Variants in RABEP1 observed in about 807,000 individuals in gnomAD.
RABEP1 encodes rabaptin, RAB GTPase binding effector protein 1, also known as rab GTPase-binding effector protein 1.
RABEP1 carries 51 observed loss-of-function variants against 123.4 expected under a neutral mutation model. The observed-to-expected ratio is 0.41, with a 90% confidence interval of 0.33 to 0.52. The LOEUF (loss-of-function observed/expected upper bound fraction) is 0.52, where lower values mean the gene tolerates loss of function less well. Among genes scored for constraint, RABEP1 ranks in the 20% least tolerant of loss-of-function variants. The pLI, the probability that RABEP1 is intolerant of heterozygous loss-of-function variation, is 0.16. For missense variants in RABEP1, 888 were observed against 996.3 expected, an observed-to-expected ratio of 0.89 and a Z score of 1.46; for synonymous variants, 347 against 355.2, an observed-to-expected ratio of 0.98 and a Z score of 0.26.
chr17:5,284,259 A>T (rs2144419714), intron 1 of RABEP1, among the ~76,000 whole-genome samples: 1 of 152,254 alleles, frequency 6.6e-6, no homozygotes, highest in Non-Finnish European at 1.5e-5. Flanking sequence ...GCTTTAGGAA[A>T]TCTTGTATTC....
chr17:5,308,748 G>T lies in RABEP1; in HGVS notation c.89G>T (p.Arg30Leu), dbSNP rs560944016. 5.6e-6 allele frequency: 9 copies of T among 1,612,096 alleles called. No individual in the cohort carries two copies. The highest frequency in any genetic ancestry group is 1.3e-5 in the African/African-American group (1 of 74,796). The change falls in exon 2 of 18, where the codon CGT becomes CTT. Residue 30 changes from arginine (R) to leucine (L), a missense_variant. Transcript: ENST00000537505. The part of the protein sequence containing the change: ...ELEKINAEFL[R>L]AQQQLEQEFN... ...GAAAAAATTAATGCAGAATTTTTAC[G>T]TGCACAACAGCAGCTTGAACAAGAA...
intron 7 of RABEP1, among the ~76,000 whole-genome samples, chr17:5,353,713 G>T (rs1014595984): frequency 6.6e-6 from 1 of 152,100 alleles, no homozygotes; most frequent in South Asian, 2.1e-4. Context: ...GCCAGGCATG[G>T]TGGTGCATGC....
intron 1 of RABEP1, among the ~76,000 whole-genome samples, chr17:5,306,381 A>T (rs970748532): frequency 6.6e-6 from 1 of 152,178 alleles, no homozygotes; most frequent in Non-Finnish European, 1.5e-5. Context: ...TGATCGCAGC[A>T]CTTTGGGAGG....
At chr17:5,367,568 CAAGGG>C (rs1910158211) in intron 11 of RABEP1, among the ~76,000 whole-genome samples, 3 of 150,686 alleles carry the variant, frequency 2.0e-5, no homozygotes, top group East Asian at 2.0e-4. Flanking sequence ...CGTGCCCAGC[CAAGGG>C]TAAAACTTTT....
At chr17:5,295,256 GCA>G in intron 1 of RABEP1, among the ~76,000 whole-genome samples, 2 of 151,808 alleles carry the variant, frequency 1.3e-5, no homozygotes, top group Admixed American at 1.3e-4. Flanking sequence ...GCGTGGTGGT[GCA>G]CACCTGTAAT....
chr17:5,383,145 A>G lies in RABEP1; in HGVS notation c.2511A>G (p.Gln837=). 6.2e-7 allele frequency: 1 copy of G among 1,614,174 alleles called. No individual in the cohort carries two copies. ...TLQVQLERIR[Q]ADSLERIRAI... ...AGGTGCAGTTAGAGCGGATCCGGCA[A>G]GCTGACTCCTTGGAGAGAATCCGGG... The change falls in exon 18 of 18, where the codon CAA becomes CAG. Residue 837 remains glutamine, a synonymous_variant. Coordinates refer to ENST00000537505, the MANE Select transcript of RABEP1 (RefSeq NM_004703.6).
chr17:5,376,471 TTTTAC>T (rs1452094409), intron 13 of RABEP1, among the ~76,000 whole-genome samples: 3 of 152,212 alleles, frequency 2.0e-5, no homozygotes, highest in Non-Finnish European at 4.4e-5. Flanking sequence ...AGAATCTCGT[TTTTAC>T]TTTAGAGTTG....
At chr17:5,377,355 T>G (rs1567554611) in intron 14 of RABEP1, 50 bp downstream of exon 14, 1 of 1,473,910 alleles carries the variant, frequency 6.8e-7, no homozygotes. Context: ...AAATAAAACT[T>G]TAGTAAAAGA....
intron 11 of RABEP1, among the ~76,000 whole-genome samples, chr17:5,366,113 T>TGA (rs1909980318): frequency 6.6e-6 from 1 of 152,212 alleles, no homozygotes; most frequent in Non-Finnish European, 1.5e-5. Flanking sequence ...CAGCAATGTA[T>TGA]GAGAGTTCCT....
rs1203948579 is a variant in RABEP1, at chr17:5,282,432, G to A, written c.-55G>A. ...TCCTCCGCCAGCTGAGCCCGCGGGA[G>A]CCCAGGACGCCGCTTCCCCGCCCAT... On this transcript the variant is annotated 5_prime_UTR_variant, in exon 1 of 18. Coordinates refer to ENST00000537505, the MANE Select transcript of RABEP1 (RefSeq NM_004703.6). 3.1e-6 allele frequency: 4 copies of A among 1,291,630 alleles called. No individual in the cohort carries two copies. The highest frequency in any genetic ancestry group is 6.2e-5 in the East Asian group (2 of 32,066). 80.0% of individuals were successfully genotyped at this position (1,291,630 alleles called of 1,614,324 possible).
At position 5,282,645 on chromosome 17, in the gene RABEP1, C is replaced by A. The variant is rs1312015963; in HGVS notation, c.34+125C>A. The A allele has an allele frequency of 2.6e-5, 15 of 584,980 alleles. No individual in the cohort carries two copies. In the South Asian group the frequency reaches 5.2e-4, roughly 20 times the overall value. The allele number at this position is 584,980 out of a possible 1,614,324, so 36.2% of individuals were successfully genotyped here. A position where few individuals can be genotyped will look rare whatever the true frequency, so the allele number is the denominator to read the frequency against. ...AGGCCCCGGGGGTGACCCCGCCGGGCGGAGGCGGGGGCGCGCGGGCTGCGG... is the reference window on the plus strand; with the variant it reads ...AGGCCCCGGGGGTGACCCCGCCGGGAGGAGGCGGGGGCGCGCGGGCTGCGG... On this transcript the variant is annotated intron_variant, in intron 1 of 17. Coordinates refer to ENST00000537505, the MANE Select transcript of RABEP1 (RefSeq NM_004703.6).
intron 1 of RABEP1, among the ~76,000 whole-genome samples, chr17:5,297,839 C>T (rs2075097862): frequency 6.6e-6 from 1 of 152,214 alleles, no homozygotes; most frequent in Admixed American, 6.5e-5. Context: ...AGCTGTTATG[C>T]TCTATGGCTT....
rs540278184 is a variant in RABEP1, at chr17:5,360,831, C to T, written c.1096-377C>T. 37 of 223,024 alleles carry T rather than the reference C, an allele frequency of 1.7e-4. 1 individual carries two copies. The highest frequency in any genetic ancestry group is 3.3e-4 in the East Asian group (3 of 9,168). 13.8% of individuals were successfully genotyped at this position (223,024 alleles called of 1,614,324 possible). On this transcript the variant is annotated intron_variant, in intron 8 of 17. Coordinates refer to ENST00000537505, the MANE Select transcript of RABEP1 (RefSeq NM_004703.6). Reference sequence around the variant, plus strand: ...TGATAGGCACCTCGCGCTTGACACACGCCACACTGAATTGCAGGTGACGTT... The same window carrying T: ...TGATAGGCACCTCGCGCTTGACACATGCCACACTGAATTGCAGGTGACGTT...
In RABEP1 at chr17:5,288,377, G is replaced by C. The variant is rs573982389; in HGVS notation, c.34+5857G>C. On this transcript the variant is annotated intron_variant, in intron 1 of 17. Coordinates refer to ENST00000537505, the MANE Select transcript of RABEP1 (RefSeq NM_004703.6). ...GAAGGGTTTTAAGCAGGTAGATGAT[G>C]TGTGGCTTTTTATTTTATTTTATTT... Among the ~76,000 whole-genome samples the C allele has an allele frequency of 7.9e-5, 12 of 152,076 alleles. No individual in the cohort carries two copies. In the East Asian group the frequency reaches 2.3e-3, roughly 29 times the overall value.
intron 5 of RABEP1, among the ~76,000 whole-genome samples, chr17:5,339,815 A>C (rs1907428400): frequency 6.6e-6 from 1 of 152,118 alleles, no homozygotes; most frequent in South Asian, 2.1e-4. Context: ...AAAAAGAAAG[A>C]AAAAAATACT....
intron 1 of RABEP1, among the ~76,000 whole-genome samples, chr17:5,286,502 AAG>A (rs2144429437): frequency 6.8e-6 from 1 of 147,666 alleles, no homozygotes; most frequent in Non-Finnish European, 1.5e-5. Flanking sequence ...TCAAAAAAAA[AAG>A]AGTTGTATTG....
chr17:5,324,932 T>C (rs935522233), intron 2 of RABEP1, among the ~76,000 whole-genome samples: 1 of 152,210 alleles, frequency 6.6e-6, no homozygotes, highest in African/African-American at 2.4e-5. Flanking sequence ...GTACAGCCAC[T>C]GTGGAGAATA....
At chr17:5,324,710 TAAAG>T (rs1289218271) in intron 2 of RABEP1, among the ~76,000 whole-genome samples, 4 of 152,288 alleles carry the variant, frequency 2.6e-5, no homozygotes, top group Non-Finnish European at 4.4e-5. Flanking sequence ...GAAGATTTGT[TAAAG>T]AAGCAAATCT....
chr17:5,365,158 G>T lies in RABEP1; in HGVS notation c.1705G>T (p.Asp569Tyr). The change falls in exon 11 of 18, where the codon GAC becomes TAC. Residue 569 changes from aspartate (D) to tyrosine (Y), a missense_variant. Physicochemically the swap from Asp to Tyr is radical, Grantham distance 160. Coordinates refer to ENST00000537505, the MANE Select transcript of RABEP1 (RefSeq NM_004703.6). ...KLQLMLRQAN[D>Y]QLEKTMKDKQ... ...ACAGCTGATGCTAAGGCAAGCTAAT[G>T]ACCAGTTAGAGAAGACAATGAAAGA... 1.9e-6 allele frequency: 3 copies of T among 1,610,558 alleles called. No individual in the cohort carries two copies. The South Asian group carries it at 3.3e-5, about 18-fold the overall frequency.
Sources: gnomAD v4.1 joint callset for allele counts (sites outside exome capture counted in the v4.1 genomes callset) on GRCh38, gnomAD v4.1.1 for gene constraint, MANE v1.5 for transcripts, NCBI Gene and HGNC (gene_info 2026-07-23, HGNC 2026-07-21) for gene names.